Variants in MAGI1 observed in about 807,000 individuals in gnomAD.
The protein encoded by MAGI1 is membrane associated guanylate kinase, WW and PDZ domain containing 1.
MAGI1 carries 58 observed loss-of-function variants against 139.9 expected under a neutral mutation model. The observed-to-expected ratio is 0.41, with a 90% CI of 0.34 to 0.52. The LOEUF is 0.52. Among genes scored for constraint, MAGI1 ranks in the 20% least tolerant of loss-of-function variants. The pLI, the probability that MAGI1 is intolerant of heterozygous loss-of-function variation, is 0.12. For synonymous variants in MAGI1, 812 were observed against 737.9 expected (o/e 1.10, Z -1.63); for missense variants, 1,874 against 1,901.6 (o/e 0.99, Z 0.27).
intron 1 of MAGI1, among the ~76,000 whole-genome samples, chr3:65,992,587 G>A (rs993330196): frequency 6.6e-6 from 1 of 152,146 alleles, no homozygotes; most frequent in Non-Finnish European, 1.5e-5. Flanking sequence ...AGGGGATCTT[G>A]TTAAAATGCA....
chr3:66,009,370 C>T (rs573125000), intron 1 of MAGI1, among the ~76,000 whole-genome samples: 7 of 152,178 alleles, frequency 4.6e-5, no homozygotes, highest in South Asian at 4.2e-4. Flanking sequence ...ATTAGCCGGG[C>T]GTGGTGGCCG....
rs74665354 is a variant in MAGI1 at position 65,390,944 on chromosome 3, C to A, written c.2416+198G>T. Among the ~76,000 whole-genome samples, 4,340 of 152,208 alleles carry A rather than the reference C, an allele frequency of 0.029. 126 individuals are homozygous for A. Among genetic ancestry groups the A allele is most frequent in the Non-Finnish European group, 0.037 (2,515 of 68,004 alleles). On this transcript the variant is annotated intron_variant, in intron 14 of 22. Transcript: ENST00000402939. ...TATGTGATAACCATCCACTTCTACC[C>A]CCTCCCCAAAGTGAAGGCATAGTGG...
intron 2 of MAGI1, among the ~76,000 whole-genome samples, chr3:65,584,580 A>C (rs1388377174): frequency 6.6e-6 from 1 of 152,208 alleles, no homozygotes; most frequent in Non-Finnish European, 1.5e-5. Context: ...TTGAAAAAAC[A>C]TATAAAAGCA....
At chr3:65,782,112 C>T (rs1248738599) in intron 1 of MAGI1, among the ~76,000 whole-genome samples, 1 of 152,124 alleles carries the variant, frequency 6.6e-6, no homozygotes, top group African/African-American at 2.4e-5. Flanking sequence ...CATTAGTAAG[C>T]ATAATAGGCA....
intron 1 of MAGI1, among the ~76,000 whole-genome samples, chr3:65,663,640 G>T (rs1238418208): frequency 6.6e-6 from 1 of 152,180 alleles, no homozygotes; most frequent in South Asian, 2.1e-4. Flanking sequence ...CCAGGGTTCA[G>T]GACAGTGAGC....
chr3:65,867,649 G>A (rs2059777229), intron 1 of MAGI1, among the ~76,000 whole-genome samples: 1 of 152,136 alleles, frequency 6.6e-6, no homozygotes, highest in African/African-American at 2.4e-5. Flanking sequence ...GGAGGTGGTG[G>A]TGCTGAGGTG....
intron 1 of MAGI1, chr3:65,873,157 T>C (rs542135954): frequency 6.6e-6 from 1 of 152,366 alleles, no homozygotes; most frequent in Admixed American, 6.5e-5. Flanking sequence ...TGGCGAGCTT[T>C]GGTGCTGTCC....
At chr3:65,381,139 T>C (rs944650735) in intron 16 of MAGI1, among the ~76,000 whole-genome samples, 2 of 152,134 alleles carry the variant, frequency 1.3e-5, no homozygotes, top group Non-Finnish European at 2.9e-5. Flanking sequence ...GTGTTCAACG[T>C]GAGCTTTCAA....
At chr3:65,788,664 T>C (rs926371785) in intron 1 of MAGI1, among the ~76,000 whole-genome samples, 2 of 152,218 alleles carry the variant, frequency 1.3e-5, no homozygotes, top group Admixed American at 1.3e-4. Context: ...GTTTGCATTC[T>C]GTTTATTGTG....
At chr3:65,731,836 T>C (rs1055666701) in intron 1 of MAGI1, among the ~76,000 whole-genome samples, 2 of 152,134 alleles carry the variant, frequency 1.3e-5, no homozygotes, top group Non-Finnish European at 2.9e-5. Context: ...ATGTGGATAG[T>C]AGCCAGAATT....
intron 2 of MAGI1, among the ~76,000 whole-genome samples, chr3:65,511,372 G>C (rs1016549631): frequency 2.1e-5 from 3 of 146,292 alleles, no homozygotes; most frequent in East Asian, 2.0e-4. Flanking sequence ...ATTGGATAAA[G>C]AGTCAAGACC....
chr3:65,704,198 T>C (rs567675672), intron 1 of MAGI1, among the ~76,000 whole-genome samples: 1 of 150,872 alleles, frequency 6.6e-6, no homozygotes, highest in Non-Finnish European at 1.5e-5. Context: ...ATTTCTTCTA[T>C]GTTTTATTCC....
chr3:65,849,653 A>G (rs930403681), intron 1 of MAGI1, among the ~76,000 whole-genome samples: 2 of 152,074 alleles, frequency 1.3e-5, no homozygotes, highest in Non-Finnish European at 2.9e-5. Context: ...TAACAACTAA[A>G]TGAAATAAAG....
intron 18 of MAGI1, among the ~76,000 whole-genome samples, chr3:65,368,648 C>G (rs1407424055): frequency 6.6e-6 from 1 of 152,158 alleles, no homozygotes; most frequent in Admixed American, 6.6e-5. Context: ...ACTGGATAAA[C>G]ACGTATGTAA....
chr3:65,500,592 T>C (rs1315473818), intron 2 of MAGI1, among the ~76,000 whole-genome samples: 1 of 152,240 alleles, frequency 6.6e-6, no homozygotes, highest in Non-Finnish European at 1.5e-5. Context: ...CTAGACATTC[T>C]CTTGAAATAT....
intron 7 of MAGI1, among the ~76,000 whole-genome samples, chr3:65,444,783 G>C (rs141340838): frequency 0.015 from 2,221 of 152,142 alleles, 32 homozygotes; most frequent in Non-Finnish European, 0.021. Context: ...TTGAAAAATG[G>C]GTCCAGTCAA....
At chr3:65,789,407 A>T (rs2039612104) in intron 1 of MAGI1, among the ~76,000 whole-genome samples, 1 of 152,150 alleles carries the variant, frequency 6.6e-6, no homozygotes, top group Admixed American at 6.5e-5. Context: ...AGAGAATGGC[A>T]TAGACCCTGA....
chr3:66,036,403 T>C (rs2068922205), intron 1 of MAGI1, among the ~76,000 whole-genome samples: 1 of 152,080 alleles, frequency 6.6e-6, no homozygotes, highest in Admixed American at 6.5e-5. Flanking sequence ...CTCCCTTTAA[T>C]GAGCTCACTA....
chr3:65,823,021 A>C (rs1463691367), intron 1 of MAGI1, among the ~76,000 whole-genome samples: 1 of 152,212 alleles, frequency 6.6e-6, no homozygotes, highest in African/African-American at 2.4e-5. Context: ...AAAGAGAAAA[A>C]ATATTTTGCA....
Sources: gnomAD v4.1 joint callset for allele counts (sites outside exome capture counted in the v4.1 genomes callset) on GRCh38, gnomAD v4.1.1 for gene constraint, MANE v1.5 for transcripts, NCBI Gene and HGNC (gene_info 2026-07-23, HGNC 2026-07-21) for gene names.